Variants in REV3L observed in about 807,000 individuals in gnomAD.
The protein encoded by REV3L is DNA polymerase zeta catalytic subunit.
A neutral mutation model predicts 299.4 loss-of-function variants in REV3L; 69 were observed. That is an observed-to-expected ratio of 0.23 (90% CI 0.19 to 0.28). The LOEUF (loss-of-function observed/expected upper bound fraction) is 0.28. Ranked by LOEUF, REV3L falls within the 10% of genes least tolerant of loss-of-function variation. The pLI, the probability that REV3L is intolerant of heterozygous loss-of-function variation, is 1.00. For synonymous variants in REV3L, 1,238 were observed against 1,271.4 expected (o/e 0.97, Z 0.56); for missense variants, 3,128 against 3,693.8 (o/e 0.85, Z 3.97).
rs754072136 is a variant in REV3L at position 111,358,984 on chromosome 6, A to G, written c.6910T>C (p.Leu2304=). ...AAGTCTCGTCTAGTTCGAGCATGCA[A>G]CTCCACACTGATTAGGGTAAGATTT... ...IQNLTLISVE[L]HARTRRDLEP... The change falls in exon 17 of 32, where the codon TTG becomes CTG. Residue 2304 remains leucine, a synonymous_variant. Coordinates refer to ENST00000368802, the MANE Select transcript of REV3L (RefSeq NM_001372078.1). 4 of 1,613,856 alleles carry G rather than the reference A, an allele frequency of 2.5e-6. No individual in the cohort carries two copies. The highest frequency in any genetic ancestry group is 2.5e-6 in the Non-Finnish European group (3 of 1,179,898).
chr6:111,360,177 C>A (rs1441981842), intron 16 of REV3L, among the ~76,000 whole-genome samples: 2 of 152,054 alleles, frequency 1.3e-5, no homozygotes, highest in Non-Finnish European at 2.9e-5. Context: ...TTAAGATTTT[C>A]AAGGGAATGA....
At chr6:111,452,146 C>T (rs1789625291) in intron 1 of REV3L, among the ~76,000 whole-genome samples, 1 of 151,092 alleles carries the variant, frequency 6.6e-6, no homozygotes, top group East Asian at 1.9e-4. Context: ...AAAATTAAAA[C>T]CACAATGAGA....
At chr6:111,366,992 G>T in intron 14 of REV3L, 123 bp downstream of exon 14, 6 of 763,062 alleles carry the variant, frequency 7.9e-6, no homozygotes, top group Non-Finnish European at 1.2e-5. Context: ...AAGACATGAC[G>T]AAAAATATTT....
upstream of REV3L, chr6:111,483,682 G>A (rs1294390650): frequency 2.5e-6 from 1 of 399,040 alleles, no homozygotes; most frequent in African/African-American, 2.2e-5. Context: ...AAATCCGCCC[G>A]CGTGAGGAGG....
chr6:111,336,501 T>C lies in REV3L; in HGVS notation c.7539-891A>G, dbSNP rs17511244. On this transcript the variant is annotated intron_variant, in intron 21 of 31. Coordinates refer to ENST00000368802, the MANE Select transcript of REV3L (RefSeq NM_001372078.1). ...CATGTGAAGGAAGAAAAAAATACCCTATTATAAAAAAGATAATAACAGTAT... is the reference window on the plus strand; with the variant it reads ...CATGTGAAGGAAGAAAAAAATACCCCATTATAAAAAAGATAATAACAGTAT... Among the ~76,000 whole-genome samples, 312 of 152,248 alleles carry C rather than the reference T, an allele frequency of 2.0e-3. 2 individuals carry two copies. The highest frequency in any genetic ancestry group is 3.7e-3 in the South Asian group (18 of 4,828).
intron 1 of REV3L, among the ~76,000 whole-genome samples, chr6:111,457,414 T>C (rs755025924): frequency 5.9e-5 from 9 of 152,036 alleles, no homozygotes; most frequent in Non-Finnish European, 1.2e-4. Context: ...ATCACAACAA[T>C]AGCCACAACC....
intron 9 of REV3L, among the ~76,000 whole-genome samples, chr6:111,385,079 G>A (rs538301348): frequency 7.9e-5 from 12 of 152,002 alleles, no homozygotes; most frequent in African/African-American, 2.7e-4. Flanking sequence ...GGAGATAAGA[G>A]AGTAGAATGA....
chr6:111,417,699 T>C (rs1308597516), intron 1 of REV3L, among the ~76,000 whole-genome samples: 1 of 152,252 alleles, frequency 6.6e-6, no homozygotes, highest in African/African-American at 2.4e-5. Context: ...TTACATTTCT[T>C]ATAAAGAATA....
chr6:111,308,785 T>C (rs770275512), intron 30 of REV3L, among the ~76,000 whole-genome samples: 3 of 152,252 alleles, frequency 2.0e-5, no homozygotes, highest in Non-Finnish European at 4.4e-5. Context: ...TGTTGTGGGA[T>C]TTATTTTAAT....
At chr6:111,389,336 C>T in intron 6 of REV3L, 126 bp from the exon 7 acceptor site, 1 of 694,532 alleles carries the variant, frequency 1.4e-6, no homozygotes, top group Non-Finnish European at 2.5e-6. Context: ...ATAAAGTGGA[C>T]AAATTATCCC....
Position 111,309,939 on chromosome 6 carries a change from T to C in REV3L, c.8956A>G (p.Ile2986Val), listed in dbSNP as rs965103596. Reference protein sequence around the residue: ...PTLRLNATYYITKQILPPLAR... With the variant: ...PTLRLNATYYVTKQILPPLAR... ...AAGGGTGGAAGGATTTGCTTGGTAATATAGTAAGTAGCATTCAGTCTCAGA... is the reference window on the plus strand; with the variant it reads ...AAGGGTGGAAGGATTTGCTTGGTAACATAGTAAGTAGCATTCAGTCTCAGA... The change falls in exon 30 of 32, where the codon ATT becomes GTT. Residue 2986 changes from isoleucine to valine, a missense_variant. Physicochemically the swap from Ile to Val is conservative, Grantham distance 29 (BLOSUM62 3). Coordinates refer to ENST00000368802, the MANE Select transcript of REV3L (RefSeq NM_001372078.1). 18 of 1,613,896 alleles carry C rather than the reference T, an allele frequency of 1.1e-5. No individual in the cohort carries two copies. Among genetic ancestry groups the C allele is most frequent in the Non-Finnish European group, 1.5e-5 (18 of 1,180,002 alleles).
At chr6:111,325,338 A>AC in intron 25 of REV3L, among the ~76,000 whole-genome samples, 1 of 152,366 alleles carries the variant, frequency 6.6e-6, no homozygotes, top group South Asian at 2.1e-4. Context: ...TTAATTTATG[A>AC]AGTAAGTCCA....
intron 1 of REV3L, among the ~76,000 whole-genome samples, chr6:111,449,781 A>AGATAT (rs1789286202): frequency 6.6e-6 from 1 of 152,178 alleles, no homozygotes; most frequent in Admixed American, 6.5e-5. Flanking sequence ...TATCCAGAAC[A>AGATAT]CAAGGTAAAA....
chr6:111,479,086 A>T (rs1194287227), intron 1 of REV3L, among the ~76,000 whole-genome samples: 2 of 152,224 alleles, frequency 1.3e-5, no homozygotes, highest in African/African-American at 4.8e-5. Context: ...GATGTGGAAA[A>T]TGGACAGCTT....
intron 4 of REV3L, among the ~76,000 whole-genome samples, chr6:111,401,197 T>G (rs929635679): frequency 2.6e-5 from 4 of 152,188 alleles, no homozygotes; most frequent in African/African-American, 9.7e-5. Context: ...ATGAACTCCC[T>G]AAACCTCAAC....
At chr6:111,437,418 G>A (rs1787683104) in intron 1 of REV3L, among the ~76,000 whole-genome samples, 1 of 151,810 alleles carries the variant, frequency 6.6e-6, no homozygotes, top group Non-Finnish European at 1.5e-5. Flanking sequence ...AAAAAGGAAT[G>A]AAGTGCTGAT....
At chr6:111,472,202 T>C (rs956455301) in intron 1 of REV3L, 3 of 1,056,748 alleles carry the variant, frequency 2.8e-6, no homozygotes. Context: ...TGCCAACATG[T>C]TTTAACTTTA....
chr6:111,449,630 T>C (rs1789267997), intron 1 of REV3L, among the ~76,000 whole-genome samples: 1 of 152,206 alleles, frequency 6.6e-6, no homozygotes. Flanking sequence ...ATTGACTCAG[T>C]AGATGGGCAA....
At chr6:111,411,438 C>T (rs369525724) in intron 3 of REV3L, 42 bp downstream of exon 3, 6 of 1,224,622 alleles carry the variant, frequency 4.9e-6, no homozygotes, top group Non-Finnish European at 2.3e-6. Context: ...TAAAATACTT[C>T]AATGATAGTT....
Sources: allele counts gnomAD v4.1 joint callset (sites outside exome capture counted in the v4.1 genomes callset), GRCh38; gene constraint gnomAD v4.1.1; transcripts MANE v1.5; gene names NCBI Gene and HGNC (gene_info 2026-07-23, HGNC 2026-07-21).